ATP8B1: variants seen among roughly 807,000 people sequenced by gnomAD.
ATP8B1 encodes the protein ATPase phospholipid transporting 8B1, also known as phospholipid-transporting ATPase IC.
A neutral mutation model predicts 149.9 loss-of-function variants in ATP8B1; 80 were observed. The observed-to-expected ratio is 0.53, with a 90% CI of 0.45 to 0.64. The LOEUF is 0.64. Among genes scored for constraint, ATP8B1 ranks in the 30% least tolerant of loss-of-function variants. ATP8B1 has a pLI of 0.00. For synonymous variants in ATP8B1, 536 were observed against 562.8 expected, an observed-to-expected ratio of 0.95 and a Z score of 0.67; for missense variants, 1,247 against 1,552.6, an observed-to-expected ratio of 0.80 and a Z score of 3.31.
intron 1 of ATP8B1, among the ~76,000 whole-genome samples, chr18:57,736,425 T>C (rs2079854993): frequency 6.6e-6 from 1 of 151,312 alleles, no homozygotes; most frequent in African/African-American, 2.4e-5. Flanking sequence ...ATTTTCCCTA[T>C]GTTTTCTTCT....
intron 1 of ATP8B1, among the ~76,000 whole-genome samples, chr18:57,739,757 T>A (rs1017476823): frequency 6.6e-6 from 1 of 152,150 alleles, no homozygotes; most frequent in African/African-American, 2.4e-5. Context: ...AAGATGAAAC[T>A]TTTTAGGAGT....
chr18:57,691,106 CAGAG>C (rs960118129), intron 12 of ATP8B1, among the ~76,000 whole-genome samples: 2 of 146,370 alleles, frequency 1.4e-5, no homozygotes, highest in Admixed American at 1.4e-4. Context: ...ATCCAGGAGG[CAGAG>C]GTTGCAGTGA....
intron 12 of ATP8B1, 58 bp from the exon 13 acceptor site, chr18:57,688,565 G>T: frequency 5.8e-6 from 9 of 1,544,162 alleles, no homozygotes; most frequent in Non-Finnish European, 8.1e-6. Flanking sequence ...GCAAGTAGTA[G>T]AGATTTTATT....
At position 57,731,725 on chromosome 18, in the gene ATP8B1, T is replaced by C; in HGVS notation, c.83A>G (p.Glu28Gly). Residue 28 changes from glutamate (E) to glycine (G), a missense_variant, in exon 2 of 28, where the codon GAA becomes GGA. Transcript: ENST00000648908. ...NDEVVPYSDDETEDELDDQGS... is the reference protein window; with the variant it reads ...NDEVVPYSDDGTEDELDDQGS... ...CTGGTCATCAAGTTCATCTTCTGTT[T>C]CATCATCACTGTAGGGAACCACTTC... 1 of 1,614,186 alleles carries C rather than the reference T, an allele frequency of 6.2e-7. No individual in the cohort carries two copies.
chr18:57,650,356 A>G lies in ATP8B1; in HGVS notation c.3531+11T>C, dbSNP rs1351167066. 5 of 1,611,906 alleles carry G rather than the reference A, an allele frequency of 3.1e-6. No homozygotes were observed. The highest frequency in any genetic ancestry group is 4.2e-6 in the Non-Finnish European group (5 of 1,178,680). ...AGGGACAGAGTTGGGAAAGGACTATATTCTTTATACCTTATCACTTTCTGA... is the reference window on the plus strand; with the variant it reads ...AGGGACAGAGTTGGGAAAGGACTATGTTCTTTATACCTTATCACTTTCTGA... On this transcript the variant is annotated intron_variant, in intron 27 of 27. Transcript: ENST00000648908.
At chr18:57,691,334 T>C (rs1043225246) in intron 12 of ATP8B1, among the ~76,000 whole-genome samples, 2 of 152,196 alleles carry the variant, frequency 1.3e-5, no homozygotes, top group African/African-American at 4.8e-5. Flanking sequence ...ACAGGGAGTT[T>C]CTTTCCTACT....
intron 1 of ATP8B1, among the ~76,000 whole-genome samples, chr18:57,753,179 T>C (rs557849356): frequency 5.2e-4 from 79 of 152,342 alleles, no homozygotes; most frequent in African/African-American, 1.8e-3. Flanking sequence ...ATATAACTAC[T>C]TGGATACAGA....
Position 57,731,647 on chromosome 18 carries a change from T to C in ATP8B1, c.161A>G (p.Asn54Ser), listed in dbSNP as rs1441989094. 3.1e-6 allele frequency: 5 copies of C among 1,613,974 alleles called. No homozygotes were observed. The African/African-American group carries it at 5.3e-5, about 17-fold the overall frequency. ...GTTACCTTTTCTGAATGGCTCCCGG[T>C]TCTCCTCTGCTTCCCTGTTGACTCG... is the stretch of plus-strand genomic sequence containing the variant. ...QNRVNREAEENREPFRKECTW... is the reference protein window; with the variant it reads ...QNRVNREAEESREPFRKECTW... Residue 54 changes from asparagine (N) to serine (S), a missense_variant, in exon 2 of 28, where the codon AAC (asparagine) becomes AGC (serine). Around this residue, in one of 3 missense-constraint regions of ATP8B1, gnomAD observed 853 missense variants for 1,035.7 expected, o/e 0.82. Transcript: ENST00000648908.
At chr18:57,772,094 C>A (rs2080268858) in intron 1 of ATP8B1, among the ~76,000 whole-genome samples, 1 of 152,160 alleles carries the variant, frequency 6.6e-6, no homozygotes, top group Admixed American at 6.5e-5. Flanking sequence ...TGAGTTCAAA[C>A]CTGTAATTTT....
chr18:57,668,008 A>G (rs4940499), intron 19 of ATP8B1: 437,996 of 1,201,048 alleles, frequency 0.36, 82,796 homozygotes, highest in Non-Finnish European at 0.39. Flanking sequence ...TTCCTTAGGT[A>G]TACAATTTTA....
Position 57,713,475 on chromosome 18 carries a change from TTTTTA to T in ATP8B1, c.182-6893_182-6889del, listed in dbSNP as rs138926824. On this transcript the variant is annotated intron_variant, in intron 2 of 27. Transcript: ENST00000648908. ...CCATGCCCAGCTAATTTTTAAAAAT[TTTTTA>T]TTTTATTTTATTTTATTTTATTTTA... Among the ~76,000 whole-genome samples, 32 of 146,432 alleles carry T rather than the reference TTTTTA, an allele frequency of 2.2e-4. 2 individuals carry two copies. Among genetic ancestry groups the T allele is most frequent in the South Asian group, 1.7e-3 (8 of 4,602 alleles).
At chr18:57,675,068 T>C in intron 15 of ATP8B1, 46 bp from the exon 16 acceptor site, 1 of 1,597,642 alleles carries the variant, frequency 6.3e-7, no homozygotes, top group Non-Finnish European at 8.5e-7. Flanking sequence ...TAAAAACAAA[T>C]GCAGAGCTCA....
At chr18:57,748,994 T>A (rs149400207) in intron 1 of ATP8B1, among the ~76,000 whole-genome samples, 1 of 152,284 alleles carries the variant, frequency 6.6e-6, no homozygotes, top group Admixed American at 6.5e-5. Flanking sequence ...TATAGAAGTA[T>A]CCAACATGTA....
chr18:57,742,497 CT>C (rs140898749), intron 1 of ATP8B1, among the ~76,000 whole-genome samples: 4,113 of 152,230 alleles, frequency 0.027, 161 homozygotes, highest in African/African-American at 0.094. Flanking sequence ...GCTTCACCCC[CT>C]ATTCCTCAGA....
chr18:57,675,029 A>G lies in ATP8B1; in HGVS notation c.1631-7T>C. The G allele has an allele frequency of 6.2e-7, 1 of 1,613,728 alleles. No homozygotes were observed. ...GCCTGGTAGTTGAGCTGACCTAACAAGGAAGCGAGAGAAATCCCAGAAAAG... is the reference window on the plus strand; with the variant it reads ...GCCTGGTAGTTGAGCTGACCTAACAGGGAAGCGAGAGAAATCCCAGAAAAG... On this transcript the variant is annotated splice_region_variant and splice_polypyrimidine_tract_variant and intron_variant, in intron 15 of 27. Transcript: ENST00000648908.
rs1568188632 is a variant in ATP8B1, at chr18:57,671,619, A to G, written c.1820-39T>C. Reference sequence around the variant, plus strand: ...AAGGAAATAAACACAACAAAGTTTGATTTTTTATATATATATTTTTTGAGA... The same window carrying G: ...AAGGAAATAAACACAACAAAGTTTGGTTTTTTATATATATATTTTTTGAGA... On this transcript the variant is annotated intron_variant, in intron 16 of 27. Transcript: ENST00000648908. The G allele has an allele frequency of 9.4e-6, 13 of 1,379,794 alleles. No individual in the cohort carries two copies. The South Asian group carries it at 1.5e-4, about 16-fold the overall frequency. The allele number at this position is 1,379,794 out of a possible 1,614,324, so 85.5% of individuals were successfully genotyped here. A position where few individuals can be genotyped will look rare whatever the true frequency, so the allele number is the denominator to read the frequency against.
intron 8 of ATP8B1, 36 bp downstream of exon 8, chr18:57,697,582 G>A: frequency 6.2e-7 from 1 of 1,604,948 alleles, no homozygotes; most frequent in Non-Finnish European, 8.5e-7. Flanking sequence ...GCCTTCAAAG[G>A]CCAGCTTTAA....
intron 20 of ATP8B1, among the ~76,000 whole-genome samples, chr18:57,664,374 G>A (rs1305687337): frequency 6.6e-6 from 1 of 151,480 alleles, no homozygotes; most frequent in Non-Finnish European, 1.5e-5. Flanking sequence ...AGGCGTGGTG[G>A]CGGTGCCTGT....
intron 2 of ATP8B1, among the ~76,000 whole-genome samples, chr18:57,710,903 G>A (rs977629575): frequency 2.0e-5 from 3 of 152,168 alleles, no homozygotes; most frequent in Non-Finnish European, 4.4e-5. Flanking sequence ...CCAAAGTGCC[G>A]GGATAATGGG....
Sources: gnomAD v4.1 joint callset for allele counts (sites outside exome capture counted in the v4.1 genomes callset) on GRCh38, gnomAD v4.1.1 for gene constraint, gnomAD v4.1.1 regional missense constraint, MANE v1.5 for transcripts, NCBI Gene and HGNC (gene_info 2026-07-23, HGNC 2026-07-21) for gene names.